ANAPC2: variants seen among roughly 807,000 people sequenced by gnomAD.
The protein encoded by ANAPC2 is anaphase promoting complex subunit 2, also known as anaphase-promoting complex subunit 2.
Under a neutral mutation model 84.3 loss-of-function variants are expected in ANAPC2, and 29 were observed. That is an observed-to-expected ratio of 0.34 (90% CI 0.26 to 0.47). ANAPC2 has a LOEUF of 0.47. Ranked by LOEUF, ANAPC2 falls within the 20% of genes least tolerant of loss-of-function variation. The probability of loss-of-function intolerance (pLI) is 1.00; values close to 1 mark genes in which losing one functional copy is unlikely to be tolerated. For synonymous variants in ANAPC2, 571 were observed against 479.4 expected, an observed-to-expected ratio of 1.19 and a Z score of -2.50; for missense variants, 857 against 1,131.7, an observed-to-expected ratio of 0.76 and a Z score of 3.48.
At chr9:137,181,169 G>C (rs1290444382) in intron 7 of ANAPC2, among the ~76,000 whole-genome samples, 1 of 152,210 alleles carries the variant, frequency 6.6e-6, no homozygotes, top group Admixed American at 6.5e-5. Flanking sequence ...CAGGCTTAGG[G>C]GACAAGCCAA....
In ANAPC2 at chr9:137,188,465, G is replaced by A. The variant is rs1306706921; in HGVS notation, c.68C>T (p.Ala23Val). 3 of 1,610,320 alleles carry A rather than the reference G, an allele frequency of 1.9e-6. No individual in the cohort carries two copies. Among genetic ancestry groups the A allele is most frequent in the Non-Finnish European group, 2.5e-6 (3 of 1,179,548 alleles). Reference sequence around the variant, plus strand: ...CAGGCCGGTGCTCACGGTGTTCCAGGCCACTAACAACTCCTGTCCGGGCCG... The same window carrying A: ...CAGGCCGGTGCTCACGGTGTTCCAGACCACTAACAACTCCTGTCCGGGCCG... Reference protein sequence around the residue: ...DSRPGQELLVAWNTVSTGLVP... With the variant: ...DSRPGQELLVVWNTVSTGLVP... Residue 23 changes from alanine to valine, a missense_variant, in exon 1 of 13, where the codon GCC becomes GTC. Transcript: ENST00000323927.
chr9:137,188,081 G>T lies in ANAPC2; in HGVS notation c.140C>A (p.Ala47Glu). The T allele has an allele frequency of 6.2e-7, 1 of 1,612,420 alleles. No individual in the cohort carries two copies. ...GAGCTCCTCTTCCTTTGGCGGGACTGCACCGCTGGTCCGGGAAGACACCTG... is the reference window on the plus strand; with the variant it reads ...GAGCTCCTCTTCCTTTGGCGGGACTTCACCGCTGGTCCGGGAAGACACCTG... ...LGLVSSRTSG[A>E]VPPKEEELRA... The change falls in exon 2 of 13, where the codon GCA (alanine) becomes GAA (glutamate). Residue 47 changes from alanine to glutamate, a missense_variant. By Grantham distance (107) the Ala-to-Glu change is moderately radical. This residue lies in a region of ANAPC2 where 428 missense variants were observed against 513.8 expected (regional missense o/e 0.83). Transcript: ENST00000323927.
At chr9:137,176,028 T>TG (rs1834202571) in intron 10 of ANAPC2, 191 bp from the exon 11 acceptor site, 1 of 620,308 alleles carries the variant, frequency 1.6e-6, no homozygotes, top group Non-Finnish European at 2.6e-6. Context: ...GGAAGGGCAA[T>TG]GGGGCCAGCA....
At chr9:137,186,024 C>T (rs961138709) in intron 3 of ANAPC2, among the ~76,000 whole-genome samples, 200 bp downstream of exon 3, 2 of 152,198 alleles carry the variant, frequency 1.3e-5, no homozygotes, top group African/African-American at 2.4e-5. Context: ...ATCCGAAGAG[C>T]GCACCTCAGA....
At chr9:137,180,586 T>C in intron 8 of ANAPC2, 59 bp from the exon 9 acceptor site, 2 of 1,607,402 alleles carry the variant, frequency 1.2e-6, no homozygotes, top group Non-Finnish European at 1.7e-6. Context: ...AAGGAGCACC[T>C]GTGGCAGGGC....
rs544312391 is a variant in ANAPC2, at chr9:137,174,978, C to T, written c.2433G>A (p.Ser811=). The part of the protein sequence containing the change: ...KKVRDQQLVY[S]AGVYRLPKNC... ...TCTTGGGCAGGCGGTAGACGCCGGC[C>T]GAGTAGACGAGCTGCTGGTCCCGCA... Residue 811 remains serine, a synonymous_variant, in exon 13 of 13, where the codon TCG becomes TCA. Transcript: ENST00000323927. The surrounding 1 kb of genome is among the most constrained non-coding windows in gnomAD (Gnocchi z 6.1). 4.1e-5 allele frequency: 65 copies of T among 1,596,362 alleles called. No individual in the cohort carries two copies. Among genetic ancestry groups the T allele is most frequent in the Middle Eastern group, 1.9e-4 (1 of 5,190 alleles).
At chr9:137,181,932 G>A in intron 6 of ANAPC2, 70 bp from the exon 7 acceptor site, 1 of 1,512,924 alleles carries the variant, frequency 6.6e-7, no homozygotes, top group Non-Finnish European at 8.9e-7. Context: ...ACTCATTCCA[G>A]TCCCGGCCCC....
At chr9:137,176,888 C>T (rs1225429674) in intron 10 of ANAPC2, 1 of 152,186 alleles carries the variant, frequency 6.6e-6, no homozygotes, top group Non-Finnish European at 1.5e-5. Flanking sequence ...TAGCAGAATG[C>T]AAGAGGGAAA....
chr9:137,183,352 C>T (rs1382147596), intron 5 of ANAPC2, 110 bp from the exon 6 acceptor site: 3 of 944,454 alleles, frequency 3.2e-6, no homozygotes, highest in Non-Finnish European at 5.0e-6. Context: ...TACAGGTCCC[C>T]ACTGCAGCCT....
Position 137,188,090 on chromosome 9 carries a change from G to T in ANAPC2, c.131C>A (p.Thr44Asn). 1 of 1,611,828 alleles carries T rather than the reference G, an allele frequency of 6.2e-7. No individual in the cohort carries two copies. The highest frequency in any genetic ancestry group is 1.3e-5 in the African/African-American group (1 of 75,014). Residue 44 changes from threonine to asparagine, a missense_variant, in exon 2 of 13, where the codon ACC becomes AAC. Thr to Asn is a moderately conservative substitution (Grantham distance 65). This residue lies in a region of ANAPC2 where 428 missense variants were observed against 513.8 expected (regional missense o/e 0.83). Transcript: ENST00000323927. ...TTCCTTTGGCGGGACTGCACCGCTGGTCCGGGAAGACACCTGGGGTGCAGA... is the reference window on the plus strand; with the variant it reads ...TTCCTTTGGCGGGACTGCACCGCTGTTCCGGGAAGACACCTGGGGTGCAGA... ...PAALGLVSSR[T>N]SGAVPPKEEE...
chr9:137,186,521 G>C, intron 2 of ANAPC2, 165 bp from the exon 3 acceptor site: 4 of 1,059,502 alleles, frequency 3.8e-6, no homozygotes, highest in Non-Finnish European at 3.9e-6. Flanking sequence ...GGGGGCGGTT[G>C]TACCAAAGGC....
At chr9:137,188,244 G>T (rs1834522459) in intron 1 of ANAPC2, 141 bp from the exon 2 acceptor site, 2 of 1,345,272 alleles carry the variant, frequency 1.5e-6, no homozygotes, top group Non-Finnish European at 2.0e-6. Flanking sequence ...CGAAGCTATG[G>T]AAGGGCTGTC....
In ANAPC2 at chr9:137,183,223, G is replaced by A. The variant is rs1834381525; in HGVS notation, c.1188C>T (p.Ile396=). The change falls in exon 6 of 13, where the codon ATC becomes ATT. Residue 396 remains isoleucine (I), a synonymous_variant. Transcript: ENST00000323927. ...TGATGGCAGAGATATAGAGGGTGAT[G>A]ATGTCACACGTGTTGACGCCTACAG... is the stretch of plus-strand genomic sequence containing the variant. The part of the protein sequence containing the change: ...LLHPGVNTCD[I]ITLYISAIKA... 1 of 1,613,062 alleles carries A rather than the reference G, an allele frequency of 6.2e-7. No individual in the cohort carries two copies. The highest frequency in any genetic ancestry group is 8.5e-7 in the Non-Finnish European group (1 of 1,179,876).
chr9:137,187,316 A>G, intron 2 of ANAPC2, 165 bp downstream of exon 2: 1 of 848,856 alleles, frequency 1.2e-6, no homozygotes, highest in Non-Finnish European at 1.8e-6. Flanking sequence ...GAAGAGAGAC[A>G]CCTGTGTCCA....
Position 137,187,830 on chromosome 9 carries a change from G to A in ANAPC2, c.391C>T (p.Leu131=). Residue 131 remains leucine (L), a synonymous_variant, in exon 2 of 13, where the codon CTG becomes TTG. Transcript: ENST00000323927. The part of the protein sequence containing the change: ...RLDPYLRSLE[L]LEKWTRLGLL... ...CCCAGGCGAGTCCATTTCTCCAGCA[G>A]CTCTAGGCTACGCAGGTAGGGATCC... 1.2e-6 allele frequency: 2 copies of A among 1,613,634 alleles called. No homozygotes were observed. The highest frequency in any genetic ancestry group is 1.1e-5 in the South Asian group (1 of 91,086).
Position 137,186,359 on chromosome 9 carries a change from A to G in ANAPC2, c.741-3T>C. 1 of 1,598,986 alleles carries G rather than the reference A, an allele frequency of 6.3e-7. No individual in the cohort carries two copies. Among genetic ancestry groups the G allele is most frequent in the Non-Finnish European group, 8.5e-7 (1 of 1,174,304 alleles). ...GCTCCAGCAGACTGAGCCTGTGTCT[A>G]GAGGAGAGCCCTGGCCATGGGGCAC... On this transcript the variant is annotated splice_polypyrimidine_tract_variant and splice_region_variant and intron_variant, in intron 2 of 12. Coordinates refer to ENST00000323927, the MANE Select transcript of ANAPC2 (RefSeq NM_013366.4).
intron 11 of ANAPC2, 26 bp from the exon 12 acceptor site, chr9:137,175,498 G>A (rs375039120): frequency 3.3e-4 from 505 of 1,526,284 alleles, no homozygotes; most frequent in Non-Finnish European, 4.3e-4. Flanking sequence ...CCGGGACGCT[G>A]GGCAGCCTGG....
Position 137,180,257 on chromosome 9 carries a change from T to C in ANAPC2, c.1814A>G (p.Lys605Arg), listed in dbSNP as rs759486630. ...CTCGGGGACCTCCAGCTTCTCGTCCTTGAAGGGCGGCCAGAACTCACTGGA... is the reference window on the plus strand; with the variant it reads ...CTCGGGGACCTCCAGCTTCTCGTCCCTGAAGGGCGGCCAGAACTCACTGGA... ...ILSSEFWPPF[K>R]DEKLEVPEDI... The change falls in exon 10 of 13, where the codon AAG (lysine) becomes AGG (arginine). Residue 605 changes from lysine (K) to arginine (R), a missense_variant. Coordinates refer to ENST00000323927, the MANE Select transcript of ANAPC2 (RefSeq NM_013366.4). The C allele has an allele frequency of 1.9e-6, 3 of 1,613,670 alleles. No individual in the cohort carries two copies. Among genetic ancestry groups the C allele is most frequent in the East Asian group, 4.5e-5 (2 of 44,896 alleles).
At chr9:137,176,192 G>C in intron 10 of ANAPC2, 1 of 171,456 alleles carries the variant, frequency 5.8e-6, no homozygotes, top group Non-Finnish European at 1.1e-5. Context: ...AAGATAGGAA[G>C]ACACAGGCAG....
Sources: allele counts gnomAD v4.1 joint callset (sites outside exome capture counted in the v4.1 genomes callset), GRCh38; gene constraint gnomAD v4.1.1; regional missense constraint gnomAD v4.1.1; non-coding constraint Gnocchi (gnomAD v3.1); transcripts MANE v1.5; gene names NCBI Gene and HGNC (gene_info 2026-07-23, HGNC 2026-07-21).